FIGN: variants seen among roughly 807,000 people sequenced by gnomAD.
FIGN encodes the protein fidgetin.
A neutral mutation model predicts 51.3 loss-of-function variants in FIGN; 11 were observed. That is an observed-to-expected ratio of 0.21 (90% CI 0.13 to 0.35). The LOEUF (loss-of-function observed/expected upper bound fraction) is 0.35, where lower values mean the gene tolerates loss of function less well. Ranked by LOEUF, FIGN falls within the 10% of genes least tolerant of loss-of-function variation. The pLI is 1.00. For missense variants in FIGN, 857 were observed against 943.6 expected, an observed-to-expected ratio of 0.91 and a Z score of 1.20; for synonymous variants, 407 against 363.2, an observed-to-expected ratio of 1.12 and a Z score of -1.37.
At chr2:163,614,845 A>G (rs1213962848) in intron 2 of FIGN, among the ~76,000 whole-genome samples, 2 of 151,948 alleles carry the variant, frequency 1.3e-5, no homozygotes, top group Non-Finnish European at 2.9e-5. Context: ...GGAGGTGGGA[A>G]CCCCCCACCT....
Position 163,611,590 on chromosome 2 carries a change from C to A in FIGN, c.242G>T (p.Gly81Val). ...YAEKYSGILE[G>V]PVDRPVLSNY... ...GCTGAGTACGGGTCGGTCCACAGGA[C>A]CTTCCAAAATGCCGGAATACTTCTC... The change falls in exon 3 of 3, where the codon GGT becomes GTT. Residue 81 changes from glycine to valine, a missense_variant. Coordinates refer to ENST00000333129, the MANE Select transcript of FIGN (RefSeq NM_018086.4). 3.1e-6 allele frequency: 5 copies of A among 1,614,198 alleles called. No homozygotes were observed. Among genetic ancestry groups the A allele is most frequent in the Middle Eastern group, 1.6e-4 (1 of 6,062 alleles).
rs534498295 is a variant in FIGN, at chr2:163,605,695, G to A, written c.*3857C>T. ...TGGCCTCAATAGTTCAACAAGCTGC[G>A]TCCCTTTCACTTTGCAAAATACAGA... On this transcript the variant is annotated 3_prime_UTR_variant, in exon 3 of 3. Coordinates refer to ENST00000333129, the MANE Select transcript of FIGN (RefSeq NM_018086.4). 44 of 151,814 alleles carry A rather than the reference G, an allele frequency of 2.9e-4. No homozygotes were observed. Among genetic ancestry groups the A allele is most frequent in the Non-Finnish European group, 5.0e-4 (34 of 67,936 alleles). 9.4% of individuals were successfully genotyped at this position (151,814 alleles called of 1,614,324 possible).
At chr2:163,692,372 C>A (rs1172764286) in intron 2 of FIGN, among the ~76,000 whole-genome samples, 1 of 152,066 alleles carries the variant, frequency 6.6e-6, no homozygotes, top group Non-Finnish European at 1.5e-5. Context: ...AAAACAAGCT[C>A]AACAATATAT....
rs565838605 is a variant in FIGN, at chr2:163,610,359, G to C, written c.1473C>G (p.Leu491=). Residue 491 remains leucine, a synonymous_variant, in exon 3 of 3, where the codon CTC becomes CTG. Coordinates refer to ENST00000333129, the MANE Select transcript of FIGN (RefSeq NM_018086.4). ...PPVDWNDIAG[L]DLVKAVIKEE... ...CTTTAATGACAGCCTTCACCAGGTC[G>C]AGACCAGCAATGTCATTCCAGTCCA... is the stretch of plus-strand genomic sequence containing the variant. The C allele has an allele frequency of 4.3e-6, 7 of 1,614,096 alleles. No homozygotes were observed. The African/African-American group carries it at 8.0e-5, about 18-fold the overall frequency.
intron 2 of FIGN, among the ~76,000 whole-genome samples, chr2:163,643,931 T>C (rs1387678440): frequency 3.8e-4 from 1 of 2,606 alleles, no homozygotes; most frequent in African/African-American, 8.7e-4. Context: ...AAACTCTGTC[T>C]CAAAAAAAAA....
At position 163,611,283 on chromosome 2, in the gene FIGN, C is replaced by T. The variant is rs1691251624; in HGVS notation, c.549G>A (p.Gln183=). The T allele has an allele frequency of 1.2e-6, 2 of 1,613,972 alleles. No homozygotes were observed. The highest frequency in any genetic ancestry group is 1.7e-6 in the Non-Finnish European group (2 of 1,180,020). Residue 183 remains glutamine (Q), a synonymous_variant, in exon 3 of 3, where the codon CAG becomes CAA. Transcript: ENST00000333129. Reference sequence around the variant, plus strand: ...ATCCGTTGTATCCTGGGGCATATTCCTGAGATGGGAGCCCTGCATGAAGAC... The same window carrying T: ...ATCCGTTGTATCCTGGGGCATATTCTTGAGATGGGAGCCCTGCATGAAGAC... The part of the protein sequence containing the change: ...VPSLHAGLPS[Q]EYAPGYNGSY...
At chr2:163,662,700 T>C in intron 2 of FIGN, among the ~76,000 whole-genome samples, 1 of 152,170 alleles carries the variant, frequency 6.6e-6, no homozygotes, top group East Asian at 1.9e-4. Flanking sequence ...TGGAATGATA[T>C]GGTTTGGCTG....
intron 2 of FIGN, among the ~76,000 whole-genome samples, chr2:163,714,889 T>A (rs1321930123): frequency 6.6e-6 from 1 of 152,158 alleles, no homozygotes; most frequent in African/African-American, 2.4e-5. Flanking sequence ...AATTAAACAT[T>A]TATGCATACA....
At chr2:163,722,155 T>G (rs749661191) in intron 2 of FIGN, among the ~76,000 whole-genome samples, 18 of 152,144 alleles carry the variant, frequency 1.2e-4, no homozygotes, top group Non-Finnish European at 2.4e-4. Context: ...CTGCCCAGTA[T>G]TCAGTACAAA....
intron 2 of FIGN, among the ~76,000 whole-genome samples, chr2:163,639,985 T>G (rs1205720785): frequency 6.6e-6 from 1 of 152,160 alleles, no homozygotes; most frequent in Non-Finnish European, 1.5e-5. Flanking sequence ...ATCATCTGAG[T>G]GCTACCCTTA....
intron 2 of FIGN, among the ~76,000 whole-genome samples, chr2:163,619,518 T>C (rs1287540301): frequency 1.3e-5 from 2 of 152,134 alleles, no homozygotes; most frequent in African/African-American, 4.8e-5. Context: ...CAAGAAAATA[T>C]TCACCCAACA....
chr2:163,695,690 A>G (rs949163270), intron 2 of FIGN, among the ~76,000 whole-genome samples: 2 of 152,214 alleles, frequency 1.3e-5, no homozygotes, highest in Non-Finnish European at 2.9e-5. Flanking sequence ...TAATTATAGC[A>G]CTTAGTAGTT....
intron 2 of FIGN, among the ~76,000 whole-genome samples, chr2:163,708,451 T>C (rs1012595660): frequency 6.6e-6 from 1 of 152,152 alleles, no homozygotes; most frequent in Non-Finnish European, 1.5e-5. Context: ...ACAAGTATAA[T>C]GTGGACAAAG....
intron 2 of FIGN, among the ~76,000 whole-genome samples, chr2:163,638,111 T>C (rs969919570): frequency 6.6e-6 from 1 of 152,018 alleles, no homozygotes; most frequent in African/African-American, 2.4e-5. Flanking sequence ...CCAATGACCC[T>C]GCACAGATGA....
chr2:163,614,292 G>C (rs1254681011), intron 2 of FIGN, among the ~76,000 whole-genome samples: 1 of 152,108 alleles, frequency 6.6e-6, no homozygotes, highest in Non-Finnish European at 1.5e-5. Flanking sequence ...CAGCATTTCA[G>C]GAATCATACT....
At chr2:163,703,580 G>C (rs569818045) in intron 2 of FIGN, among the ~76,000 whole-genome samples, 9 of 152,134 alleles carry the variant, frequency 5.9e-5, no homozygotes, top group Non-Finnish European at 1.2e-4. Context: ...AAGAGCTCAG[G>C]TAAATATGTC....
rs73974382 is a variant in FIGN at position 163,714,638 on chromosome 2, A to G, written c.25+20265T>C. ...GCTACTTTCCATTAAAATCTAAAAT[A>G]TTGTGAGCCACTAAAAATAACTGAT... On this transcript the variant is annotated intron_variant, in intron 2 of 2. Transcript: ENST00000333129. Among the ~76,000 whole-genome samples, 242 of 152,314 alleles carry G rather than the reference A, an allele frequency of 1.6e-3. 1 individual carries two copies. Among genetic ancestry groups the G allele is most frequent in the African/African-American group, 5.6e-3 (234 of 41,568 alleles).
At chr2:163,713,357 C>T (rs1684617581) in intron 2 of FIGN, among the ~76,000 whole-genome samples, 1 of 151,932 alleles carries the variant, frequency 6.6e-6, no homozygotes, top group South Asian at 2.1e-4. Context: ...TCAGAGTCTT[C>T]AGAAAGGTGC....
chr2:163,708,244 T>C (rs1361110389), intron 2 of FIGN, among the ~76,000 whole-genome samples: 1 of 152,076 alleles, frequency 6.6e-6, no homozygotes, highest in Non-Finnish European at 1.5e-5. Context: ...AAGAATGATG[T>C]CTGTGATAGC....
Sources: gnomAD v4.1 joint callset for allele counts (sites outside exome capture counted in the v4.1 genomes callset) on GRCh38, gnomAD v4.1.1 for gene constraint, MANE v1.5 for transcripts, NCBI Gene and HGNC (gene_info 2026-07-23, HGNC 2026-07-21) for gene names.